Variants in MYO16 observed in about 807,000 individuals in gnomAD.
The protein encoded by MYO16 is myosin XVI.
MYO16 carries 94 observed loss-of-function variants against 205.3 expected under a neutral mutation model. The observed-to-expected ratio is 0.46, with a 90% CI of 0.39 to 0.54. The LOEUF (loss-of-function observed/expected upper bound fraction) is 0.54, where lower values mean the gene tolerates loss of function less well. MYO16 is among the 20% of genes least tolerant of loss of function. The pLI is 0.00. For missense variants in MYO16, 2,315 were observed against 2,387.5 expected (o/e 0.97, Z 0.63); for synonymous variants, 988 against 954.0 (o/e 1.04, Z -0.66).
At chr13:108,552,820 CA>C in the MYO16 span, among the ~76,000 whole-genome samples, 1 of 151,860 alleles carries the variant, frequency 6.6e-6, no homozygotes, top group Non-Finnish European at 1.5e-5. Context: ...AGCCCAAGGT[CA>C]AGGTGATGCA....
chr13:108,540,664 A>G, the MYO16 span, among the ~76,000 whole-genome samples: 4 of 152,236 alleles, frequency 2.6e-5, no homozygotes, highest in South Asian at 8.3e-4. Context: ...GCTGGAGTAT[A>G]AGTTCCTTAG....
intron 28 of MYO16, among the ~76,000 whole-genome samples, chr13:109,106,164 T>TGAAAC (rs1889118213): frequency 6.6e-6 from 1 of 152,266 alleles, no homozygotes; most frequent in African/African-American, 2.4e-5. Context: ...GTTTTCTTTA[T>TGAAAC]GAAACGAAGA....
the MYO16 span, among the ~76,000 whole-genome samples, chr13:108,547,128 T>C: frequency 6.0e-3 from 907 of 151,898 alleles, 14 homozygotes; most frequent in African/African-American, 0.02. Flanking sequence ...AAAAATTAGC[T>C]GGGCATCATG....
At chr13:108,972,682 A>G (rs549534900) in intron 20 of MYO16, among the ~76,000 whole-genome samples, 13 of 151,404 alleles carry the variant, frequency 8.6e-5, no homozygotes, top group Admixed American at 4.0e-4. Flanking sequence ...AGGATCATCG[A>G]TTTGCATTGC....
the MYO16 span, among the ~76,000 whole-genome samples, chr13:108,546,426 G>A: frequency 6.6e-6 from 1 of 152,122 alleles, no homozygotes; most frequent in Non-Finnish European, 1.5e-5. Context: ...TTTAAAGTGT[G>A]TAATGTGGCA....
chr13:108,833,867 C>T (rs944135430), intron 9 of MYO16, among the ~76,000 whole-genome samples: 4 of 152,028 alleles, frequency 2.6e-5, no homozygotes, highest in African/African-American at 4.8e-5. Flanking sequence ...CTAAGCTACC[C>T]TTGGATGGTA....
At chr13:109,016,346 G>C (rs1033822559) in intron 22 of MYO16, among the ~76,000 whole-genome samples, 3 of 152,108 alleles carry the variant, frequency 2.0e-5, no homozygotes, top group African/African-American at 2.4e-5. Flanking sequence ...TGTGATTACT[G>C]TTCTTTTACA....
At position 109,140,593 on chromosome 13, in the gene MYO16, C is replaced by T; in HGVS notation, c.4381C>T (p.Leu1461=). The T allele has an allele frequency of 2.0e-6, 3 of 1,524,552 alleles. No individual in the cohort carries two copies. The highest frequency in any genetic ancestry group is 1.2e-5 in the South Asian group (1 of 82,848). The allele number at this position is 1,524,552 out of a possible 1,614,324, so 94.4% of individuals were successfully genotyped here. The change falls in exon 32 of 35, where the codon CTG becomes TTG. Residue 1461 remains leucine, a synonymous_variant. Transcript: ENST00000457511. This position sits in a 1 kb window ranked among gnomAD's most constrained non-coding sequence, Gnocchi z 8.0. The stretch of plus-strand genomic sequence containing the variant: ...CGTGTACGAGGAGATGAAGTGTTGC[C>T]TGCCCGACGACGGCGGCCCGGGCGC... ...ESVYEEMKCC[L]PDDGGPGAGS...
At chr13:109,120,509 G>C in intron 29 of MYO16, 43 bp downstream of exon 29, 2 of 1,501,108 alleles carry the variant, frequency 1.3e-6, no homozygotes, top group Non-Finnish European at 1.8e-6. Context: ...TTTGAGTTGT[G>C]AAATGCAAAA....
At chr13:108,931,789 G>A (rs73616418) in intron 16 of MYO16, among the ~76,000 whole-genome samples, 2,814 of 152,270 alleles carry the variant, frequency 0.018, 90 homozygotes, top group African/African-American at 0.061. Context: ...AGGAACCCCA[G>A]ATATTAGTTT....
chr13:109,003,827 A>T (rs1260260012), intron 21 of MYO16, among the ~76,000 whole-genome samples: 1 of 152,202 alleles, frequency 6.6e-6, no homozygotes, highest in Non-Finnish European at 1.5e-5. Context: ...AGGAGGATGC[A>T]ATCAGATTGT....
chr13:108,545,889 G>A, the MYO16 span, among the ~76,000 whole-genome samples: 1 of 152,158 alleles, frequency 6.6e-6, no homozygotes, highest in Admixed American at 6.5e-5. Context: ...CCTGTCTTTA[G>A]TGAAATGGAG....
At chr13:108,601,992 G>A (rs113807322) in intron 1 of MYO16, among the ~76,000 whole-genome samples, 2,766 of 151,720 alleles carry the variant, frequency 0.018, 43 homozygotes, top group Middle Eastern at 0.075. Context: ...GCTGGGCCAC[G>A]GGGTGGTGAG....
intron 2 of MYO16, among the ~76,000 whole-genome samples, chr13:108,711,298 TG>T (rs1883712530): frequency 6.6e-6 from 1 of 152,262 alleles, no homozygotes; most frequent in Admixed American, 6.5e-5. Context: ...AGAATGTTTT[TG>T]TAACACACTA....
chr13:108,625,087 T>C (rs1247657350), upstream of MYO16, among the ~76,000 whole-genome samples: 1 of 152,158 alleles, frequency 6.6e-6, no homozygotes, highest in Non-Finnish European at 1.5e-5. Flanking sequence ...CAGTTCCTAT[T>C]AACCCCTACT....
chr13:108,692,033 C>T (rs1432784190), intron 2 of MYO16, among the ~76,000 whole-genome samples: 1 of 152,162 alleles, frequency 6.6e-6, no homozygotes, highest in African/African-American at 2.4e-5. Context: ...ACATCACTTC[C>T]AATAACAATA....
At chr13:108,801,841 G>C (rs1425011048) in intron 6 of MYO16, among the ~76,000 whole-genome samples, 2 of 152,200 alleles carry the variant, frequency 1.3e-5, no homozygotes, top group African/African-American at 2.4e-5. Flanking sequence ...AGTACACAGT[G>C]AGCTCTCGAT....
At chr13:108,769,888 T>C (rs1288671373) in intron 4 of MYO16, among the ~76,000 whole-genome samples, 3 of 152,204 alleles carry the variant, frequency 2.0e-5, no homozygotes, top group African/African-American at 7.2e-5. Context: ...TAATTTTATA[T>C]GATTTGGTAT....
intron 34 of MYO16, among the ~76,000 whole-genome samples, chr13:109,195,574 G>C (rs921593212): frequency 6.6e-6 from 1 of 151,976 alleles, no homozygotes; most frequent in South Asian, 2.1e-4. Context: ...TCAACATCTT[G>C]TTAGCTCCAA....
Sources: allele counts gnomAD v4.1 joint callset (sites outside exome capture counted in the v4.1 genomes callset), GRCh38; gene constraint gnomAD v4.1.1; non-coding constraint Gnocchi (gnomAD v3.1); transcripts MANE v1.5; gene names NCBI Gene and HGNC (gene_info 2026-07-23, HGNC 2026-07-21).